The following CRYBG1 variants were observed in gnomAD, a reference collection of about 807,000 sequenced individuals.
CRYBG1 encodes crystallin beta-gamma domain containing 1.
In CRYBG1, 139 loss-of-function variants were observed where a neutral mutation model predicts 189.2. The observed-to-expected ratio is 0.73, with a 90% CI of 0.64 to 0.85. The LOEUF is 0.85. Among genes scored for constraint, CRYBG1 ranks in the 40% least tolerant of loss-of-function variants. The pLI, the probability that CRYBG1 is intolerant of heterozygous loss-of-function variation, is 0.00. For synonymous variants in CRYBG1, 1,023 were observed against 1,017.1 expected, an observed-to-expected ratio of 1.01 and a Z score of -0.11; for missense variants, 2,611 against 2,675.8, an observed-to-expected ratio of 0.98 and a Z score of 0.53.
chr6:106,479,291 T>A (rs1772396958), intron 2 of CRYBG1, among the ~76,000 whole-genome samples: 1 of 152,232 alleles, frequency 6.6e-6, no homozygotes, highest in Non-Finnish European at 1.5e-5. Flanking sequence ...GCTGAGTGGC[T>A]TATACAACAG....
intron 2 of CRYBG1, among the ~76,000 whole-genome samples, chr6:106,488,984 G>A (rs72935503): frequency 0.29 from 44,801 of 152,016 alleles, 7,952 homozygotes; most frequent in East Asian, 0.42. Flanking sequence ...AAATGCAAAC[G>A]CAGCTGTTTA....
chr6:106,382,183 C>G (rs531790224), intron 1 of CRYBG1, among the ~76,000 whole-genome samples: 1 of 152,118 alleles, frequency 6.6e-6, no homozygotes, highest in Non-Finnish European at 1.5e-5. Context: ...TGACAGTACA[C>G]GTGTGGTCAG....
intron 3 of CRYBG1, among the ~76,000 whole-genome samples, chr6:106,518,534 A>G (rs1773493698): frequency 6.6e-6 from 1 of 152,246 alleles, no homozygotes; most frequent in South Asian, 2.1e-4. Context: ...CTACGTACTC[A>G]ATAAATTAGT....
chr6:106,360,895 A>G lies in CRYBG1; in HGVS notation c.-14A>G, dbSNP rs1255682650. 9 of 1,524,008 alleles carry G rather than the reference A, an allele frequency of 5.9e-6. No individual in the cohort carries two copies. The highest frequency in any genetic ancestry group is 1.7e-4 in the Middle Eastern group (1 of 5,846). 94.4% of individuals were successfully genotyped at this position (1,524,008 alleles called of 1,614,324 possible). A position where few individuals can be genotyped will look rare whatever the true frequency, so the allele number is the denominator to read the frequency against. On this transcript the variant is annotated 5_prime_UTR_variant, in exon 1 of 22. Coordinates refer to ENST00000633556, the MANE Select transcript of CRYBG1 (RefSeq NM_001371242.2). ...ACCGCGTCCCGGCAGTCGGAGCGGGAGGAGGACAAGACGATGCCGCTGTCC... is the reference window on the plus strand; with the variant it reads ...ACCGCGTCCCGGCAGTCGGAGCGGGGGGAGGACAAGACGATGCCGCTGTCC...
At chr6:106,452,794 A>G (rs1771809873) in intron 2 of CRYBG1, among the ~76,000 whole-genome samples, 1 of 152,206 alleles carries the variant, frequency 6.6e-6, no homozygotes, top group African/African-American at 2.4e-5. Flanking sequence ...TCACTTGTAG[A>G]AAGACATTAC....
intron 2 of CRYBG1, among the ~76,000 whole-genome samples, chr6:106,487,506 G>A (rs1041072783): frequency 2.0e-5 from 3 of 152,138 alleles, no homozygotes; most frequent in African/African-American, 7.2e-5. Flanking sequence ...TGTCTGAGAA[G>A]TTCTTTTATT....
intron 1 of CRYBG1, among the ~76,000 whole-genome samples, chr6:106,366,420 A>C (rs973731866): frequency 6.6e-6 from 1 of 152,236 alleles, no homozygotes; most frequent in Non-Finnish European, 1.5e-5. Context: ...TTGGGAAGTT[A>C]GTTTACCCCG....
In CRYBG1 at chr6:106,524,075, G is replaced by A. The variant is rs539216482; in HGVS notation, c.4246-1058G>A. Among the ~76,000 whole-genome samples, 6 of 152,288 alleles carry A rather than the reference G, an allele frequency of 3.9e-5. No individual in the cohort carries two copies. In the East Asian group the frequency reaches 1.2e-3, roughly 29 times the overall value. The stretch of plus-strand genomic sequence containing the variant: ...CATATCACACTCTGGTGTGATGCAA[G>A]AGCAGTCAGAGCAAAGGCAGTTCCT... On this transcript the variant is annotated intron_variant, in intron 4 of 21. Transcript: ENST00000633556.
chr6:106,519,949 C>T lies in CRYBG1; in HGVS notation c.2741C>T (p.Pro914Leu), dbSNP rs1192071571. 2 of 1,614,148 alleles carry T rather than the reference C, an allele frequency of 1.2e-6. No individual in the cohort carries two copies. Among genetic ancestry groups the T allele is most frequent in the Admixed American group, 1.7e-5 (1 of 60,018 alleles). Residue 914 changes from proline (P) to leucine (L), a missense_variant, in exon 4 of 22, where the codon CCT (proline) becomes CTT (leucine). By Grantham distance (98) the Pro-to-Leu change is moderately conservative. Coordinates refer to ENST00000633556, the MANE Select transcript of CRYBG1 (RefSeq NM_001371242.2). ...VSENHKGCVL[P>L]VSRQNNEKMP... Reference sequence around the variant, plus strand: ...GAAAACCATAAAGGATGTGTTTTGCCTGTGTCTCGTCAGAACAATGAGAAA... The same window carrying T: ...GAAAACCATAAAGGATGTGTTTTGCTTGTGTCTCGTCAGAACAATGAGAAA...
chr6:106,400,987 G>T (rs986126262), intron 1 of CRYBG1, among the ~76,000 whole-genome samples: 1 of 152,204 alleles, frequency 6.6e-6, no homozygotes, highest in African/African-American at 2.4e-5. Context: ...AGCTAGTTGA[G>T]ATACTGTCAG....
chr6:106,460,728 C>G (rs1771993318), intron 2 of CRYBG1, among the ~76,000 whole-genome samples: 1 of 152,148 alleles, frequency 6.6e-6, no homozygotes, highest in African/African-American at 2.4e-5. Flanking sequence ...TGAAATGCTC[C>G]TCCCTCTCAC....
chr6:106,513,335 C>T (rs72939440), intron 3 of CRYBG1, among the ~76,000 whole-genome samples: 5,034 of 152,270 alleles, frequency 0.033, 114 homozygotes, highest in Non-Finnish European at 0.05. Context: ...GACCTCATGG[C>T]CTGACATGAG....
chr6:106,522,568 A>G (rs957236975), intron 4 of CRYBG1, among the ~76,000 whole-genome samples: 1 of 152,188 alleles, frequency 6.6e-6, no homozygotes, highest in African/African-American at 2.4e-5. Flanking sequence ...AGAAAGGACT[A>G]TGAGAGAGGA....
intron 1 of CRYBG1, among the ~76,000 whole-genome samples, chr6:106,378,828 C>CT (rs1485913427): frequency 6.6e-6 from 1 of 152,042 alleles, no homozygotes; most frequent in South Asian, 2.1e-4. Flanking sequence ...TTCTTCTTCC[C>CT]TTTTTTTAAA....
chr6:106,396,633 A>G (rs555301181), intron 1 of CRYBG1, among the ~76,000 whole-genome samples: 1 of 152,224 alleles, frequency 6.6e-6, no homozygotes, highest in Non-Finnish European at 1.5e-5. Context: ...CAGACTGTGG[A>G]CTTTCTGAGG....
At chr6:106,488,754 G>A (rs924893818) in intron 2 of CRYBG1, among the ~76,000 whole-genome samples, 6 of 152,170 alleles carry the variant, frequency 3.9e-5, no homozygotes, top group East Asian at 1.9e-4. Context: ...GAATTTTGGC[G>A]TGGGTGTCCC....
chr6:106,563,556 G>C (rs1774787295), intron 20 of CRYBG1, among the ~76,000 whole-genome samples: 1 of 152,218 alleles, frequency 6.6e-6, no homozygotes, highest in Non-Finnish European at 1.5e-5. Context: ...CAAACATTGA[G>C]ATTTTCCCAT....
intron 1 of CRYBG1, among the ~76,000 whole-genome samples, chr6:106,449,109 G>C (rs1771726958): frequency 6.6e-6 from 1 of 152,150 alleles, no homozygotes; most frequent in Non-Finnish European, 1.5e-5. Flanking sequence ...TTTAAGCAGG[G>C]ATTGTATCAC....
intron 2 of CRYBG1, among the ~76,000 whole-genome samples, chr6:106,467,897 C>G (rs1772145897): frequency 6.6e-6 from 1 of 152,118 alleles, no homozygotes; most frequent in Admixed American, 6.5e-5. Context: ...AATATTCCTA[C>G]TTTTTAAGTA....
Sources: allele counts gnomAD v4.1 joint callset (sites outside exome capture counted in the v4.1 genomes callset), GRCh38; gene constraint gnomAD v4.1.1; transcripts MANE v1.5; gene names NCBI Gene and HGNC (gene_info 2026-07-23, HGNC 2026-07-21).